VPS39: variants seen among roughly 807,000 people sequenced by gnomAD.
VPS39 encodes the protein VPS39 subunit of HOPS complex, also known as vam6/Vps39-like protein.
In VPS39, 70 loss-of-function variants were observed where a neutral mutation model predicts 121.0. The ratio of observed to expected loss-of-function variants is 0.58; its 90% CI spans 0.48 to 0.71. VPS39 has a LOEUF of 0.71. Ranked by LOEUF, VPS39 falls within the 30% of genes least tolerant of loss-of-function variation. The probability of loss-of-function intolerance (pLI) is 0.00; values close to 1 mark genes in which losing one functional copy is unlikely to be tolerated. For missense variants in VPS39, 818 were observed against 1,051.5 expected, an observed-to-expected ratio of 0.78 and a Z score of 3.07; for synonymous variants, 378 against 398.1, an observed-to-expected ratio of 0.95 and a Z score of 0.60.
intron 10 of VPS39, 83 bp downstream of exon 10, chr15:42,178,135 C>A: frequency 2.5e-6 from 4 of 1,587,304 alleles, no homozygotes; most frequent in South Asian, 1.1e-5. Context: ...TCTACTAACC[C>A]AAAATAAATA....
intron 12 of VPS39, 98 bp from the exon 13 acceptor site, chr15:42,167,635 T>A: frequency 6.9e-7 from 1 of 1,448,876 alleles, no homozygotes; most frequent in Non-Finnish European, 9.4e-7. Flanking sequence ...AGCTCATGCC[T>A]ATTGGCCTGA....
intron 1 of VPS39, among the ~76,000 whole-genome samples, chr15:42,207,669 G>A (rs1379386000): frequency 6.6e-6 from 1 of 152,086 alleles, no homozygotes; most frequent in Non-Finnish European, 1.5e-5. Flanking sequence ...CCAAAACCAG[G>A]GTTGACTTTC....
Position 42,166,638 on chromosome 15 carries a change from G to T in VPS39, c.1531C>A (p.Leu511Ile). Residue 511 changes from leucine (L) to isoleucine (I), a missense_variant, in exon 15 of 25, where the codon CTC (leucine) becomes ATC (isoleucine). Physicochemically the swap from Leu to Ile is conservative, Grantham distance 5. Transcript: ENST00000318006. The part of the protein sequence containing the change: ...KGLHEKALQV[L>I]VDQSKKANSP... ...TTGGCTTTCTTGGACTGGTCCACGA[G>T]CACCTGCAGAGCTGGCCACCAAGCC... is the stretch of plus-strand genomic sequence containing the variant. 1 of 1,614,144 alleles carries T rather than the reference G, an allele frequency of 6.2e-7. No homozygotes were observed. The highest frequency in any genetic ancestry group is 2.2e-5 in the East Asian group (1 of 44,884).
chr15:42,179,469 C>A (rs991961712), intron 8 of VPS39, among the ~76,000 whole-genome samples: 1 of 150,424 alleles, frequency 6.6e-6, no homozygotes, highest in South Asian at 2.1e-4. Context: ...CCCAGCTACT[C>A]GGGAGGCTGA....
intron 24 of VPS39, 77 bp downstream of exon 24, chr15:42,161,605 A>T: frequency 6.9e-7 from 1 of 1,447,516 alleles, no homozygotes; most frequent in Non-Finnish European, 9.7e-7. Context: ...TAAAGGGCAG[A>T]AATCCATCCT....
intron 10 of VPS39, among the ~76,000 whole-genome samples, chr15:42,175,409 G>GAA (rs772876964): frequency 5.3e-4 from 64 of 119,750 alleles, no homozygotes; most frequent in Middle Eastern, 4.2e-3. Context: ...TCTGTCTCGG[G>GAA]AAAAAAAAAA....
chr15:42,160,635 A>G lies in VPS39; in HGVS notation c.*119T>C. The G allele has an allele frequency of 1.2e-6, 1 of 859,922 alleles. No individual in the cohort carries two copies. The highest frequency in any genetic ancestry group is 2.4e-5 in the East Asian group (1 of 41,416). 53.3% of individuals were successfully genotyped at this position (859,922 alleles called of 1,614,324 possible). A position where few individuals can be genotyped will look rare whatever the true frequency, so the allele number is the denominator to read the frequency against. On this transcript the variant is annotated 3_prime_UTR_variant, in exon 25 of 25. Transcript: ENST00000318006. ...AGTTGTTCCAGGGCACAAGATAGCC[A>G]GTAATGTCCAAATGGGGAGCCTTGT...
intron 4 of VPS39, among the ~76,000 whole-genome samples, chr15:42,189,819 T>TTTC (rs376361986): frequency 0.52 from 43,208 of 82,644 alleles, 17,897 homozygotes; most frequent in Non-Finnish European, 0.77. Context: ...TTTTTTTTTT[T>TTTC]TGAGGCACGG....
chr15:42,189,049 G>T, intron 5 of VPS39, 65 bp downstream of exon 5: 2 of 1,138,198 alleles, frequency 1.8e-6, no homozygotes, highest in Non-Finnish European at 2.7e-6. Context: ...CTAATGGTAG[G>T]AATGATGTAG....
At chr15:42,162,002 C>A (rs992034026) in intron 23 of VPS39, 30 bp downstream of exon 23, 2 of 1,613,098 alleles carry the variant, frequency 1.2e-6, no homozygotes, top group Admixed American at 3.3e-5. Context: ...GTTAAAAGCC[C>A]ACCCTAGAGT....
At chr15:42,175,152 G>A (rs771527837) in intron 10 of VPS39, among the ~76,000 whole-genome samples, 2 of 152,104 alleles carry the variant, frequency 1.3e-5, no homozygotes, top group Non-Finnish European at 2.9e-5. Flanking sequence ...GGTAGCTCAC[G>A]CCTGTAATCC....
At position 42,208,209 on chromosome 15, in the gene VPS39, T is replaced by A; in HGVS notation, c.-56A>T. On this transcript the variant is annotated 5_prime_UTR_variant, in exon 1 of 25. Coordinates refer to ENST00000318006, the MANE Select transcript of VPS39 (RefSeq NM_015289.5). ...TCGCCCAGAGTGTTCCGGGCCGGGC[T>A]GGGGTCCGGAACGAGTCTGGGCTAA... 1 of 1,550,264 alleles carries A rather than the reference T, an allele frequency of 6.5e-7. No individual in the cohort carries two copies. The highest frequency in any genetic ancestry group is 8.7e-7 in the Non-Finnish European group (1 of 1,146,240).
chr15:42,208,260 C>T lies in VPS39; in HGVS notation c.-107G>A. 2 of 1,419,922 alleles carry T rather than the reference C, an allele frequency of 1.4e-6. No individual in the cohort carries two copies. Among genetic ancestry groups the T allele is most frequent in the Non-Finnish European group, 1.9e-6 (2 of 1,047,610 alleles). The allele number at this position is 1,419,922 out of a possible 1,614,324, so 88.0% of individuals were successfully genotyped here. A position where few individuals can be genotyped will look rare whatever the true frequency, so the allele number is the denominator to read the frequency against. ...GGGTAGACCGGGATCCGGCCAGGAA[C>T]CCCCCGGCTACAGGCCCTTCAACAA... On this transcript the variant is annotated 5_prime_UTR_variant, in exon 1 of 25. Coordinates refer to ENST00000318006, the MANE Select transcript of VPS39 (RefSeq NM_015289.5).
rs369716113 is a variant in VPS39 at position 42,187,340 on chromosome 15, C to A, written c.465G>T (p.Val155=). 1.4e-5 allele frequency: 22 copies of A among 1,612,274 alleles called. No homozygotes were observed. In the South Asian group the frequency reaches 2.0e-4, roughly 15 times the overall value. Reference sequence around the variant, plus strand: ...TTTCACACCACGCCATGGACTTGGGCACATCTGGCACACTAAAGTCCCCCT... The same window carrying A: ...TTTCACACCACGCCATGGACTTGGGAACATCTGGCACACTAAAGTCCCCCT... ...ELQGDFSVPD[V]PKSMAWCENS... The change falls in exon 7 of 25, where the codon GTG becomes GTT. Residue 155 remains valine (V), a synonymous_variant. Coordinates refer to ENST00000318006, the MANE Select transcript of VPS39 (RefSeq NM_015289.5).
At chr15:42,167,015 A>C in intron 13 of VPS39, 102 bp from the exon 14 acceptor site, 1 of 1,505,456 alleles carries the variant, frequency 6.6e-7, no homozygotes, top group South Asian at 1.2e-5. Flanking sequence ...ATGTAGCACA[A>C]GCAAGAGAAA....
In VPS39 at chr15:42,173,971, G is replaced by A. The variant is rs1595653564; in HGVS notation, c.961-119C>T. On this transcript the variant is annotated intron_variant, in intron 10 of 24. Coordinates refer to ENST00000318006, the MANE Select transcript of VPS39 (RefSeq NM_015289.5). ...CACCAAAGTGTACAAGACAAGGCCG[G>A]GCGCGGTGCCTCACGCTTGTAATCC... 3.2e-6 allele frequency: 4 copies of A among 1,234,552 alleles called. No individual in the cohort carries two copies. The African/African-American group carries it at 6.0e-5, about 19-fold the overall frequency. 76.5% of individuals were successfully genotyped at this position (1,234,552 alleles called of 1,614,324 possible).
At chr15:42,165,297 G>A (rs145633413) in intron 17 of VPS39, 184 bp from the exon 18 acceptor site, 18 of 606,130 alleles carry the variant, frequency 3.0e-5, no homozygotes, top group East Asian at 5.6e-5. Context: ...ACCCAGTAAC[G>A]TGAGGAGCCA....
intron 10 of VPS39, among the ~76,000 whole-genome samples, chr15:42,176,409 G>T (rs1188324551): frequency 2.0e-5 from 3 of 151,766 alleles, no homozygotes; most frequent in Non-Finnish European, 4.4e-5. Flanking sequence ...ATATGTAAAA[G>T]AGTAAGGTCA....
chr15:42,206,804 G>A (rs1318014779), intron 1 of VPS39, among the ~76,000 whole-genome samples: 1 of 152,174 alleles, frequency 6.6e-6, no homozygotes, highest in Non-Finnish European at 1.5e-5. Context: ...AGAATGGCCC[G>A]TGTAGCCACC....
Sources: allele counts gnomAD v4.1 joint callset (sites outside exome capture counted in the v4.1 genomes callset), GRCh38; gene constraint gnomAD v4.1.1; transcripts MANE v1.5; gene names NCBI Gene and HGNC (gene_info 2026-07-23, HGNC 2026-07-21).